CLIC5: variants seen among roughly 807,000 people sequenced by gnomAD.
The protein encoded by CLIC5 is CLIC family member 5.
In CLIC5, 20 loss-of-function variants were observed where a neutral mutation model predicts 24.7. That is an observed-to-expected ratio of 0.81 (90% CI 0.57 to 1.18). The LOEUF (loss-of-function observed/expected upper bound fraction) is 1.18. Ranked by LOEUF, CLIC5 falls within the 50% of genes most tolerant of loss-of-function variation. The pLI is 0.00. For missense variants in CLIC5, 341 were observed against 326.1 expected (o/e 1.05, Z -0.35); for synonymous variants, 159 against 135.6 (o/e 1.17, Z -1.20).
intron 1 of CLIC5, among the ~76,000 whole-genome samples, chr6:46,072,909 A>G (rs1419330770): frequency 3.3e-5 from 5 of 152,178 alleles, no homozygotes; most frequent in Non-Finnish European, 7.3e-5. Flanking sequence ...GGGTTCTAGA[A>G]TGTTCCTCAA....
chr6:46,062,484 C>G (rs866999088), intron 1 of CLIC5, among the ~76,000 whole-genome samples: 2 of 152,218 alleles, frequency 1.3e-5, no homozygotes, highest in Non-Finnish European at 2.9e-5. Flanking sequence ...TGGAGGCTGA[C>G]AGCCTCTGAC....
intron 4 of CLIC5, chr6:45,920,457 A>G (rs6941490): frequency 0.018 from 7,009 of 391,528 alleles, 463 homozygotes; most frequent in African/African-American, 0.14. Context: ...TCATGTTGAT[A>G]TAACCAAAGG....
At chr6:45,915,055 G>A (rs1001927250) in intron 4 of CLIC5, among the ~76,000 whole-genome samples, 7 of 151,334 alleles carry the variant, frequency 4.6e-5, no homozygotes, top group Admixed American at 2.0e-4. Flanking sequence ...TCAGCCTCTC[G>A]AGTAGCTGGG....
At chr6:46,018,410 A>G (rs1469530693), upstream of CLIC5, among the ~76,000 whole-genome samples, 1 of 152,188 alleles carries the variant, frequency 6.6e-6, no homozygotes, top group African/African-American at 2.4e-5. Flanking sequence ...ATCTCTTTCA[A>G]TAACATTTTA....
At chr6:46,001,093 GA>G (rs1291781820) in intron 1 of CLIC5, among the ~76,000 whole-genome samples, 4 of 152,168 alleles carry the variant, frequency 2.6e-5, no homozygotes, top group African/African-American at 7.2e-5. Context: ...CATACAGATG[GA>G]AAATGCTTTC....
chr6:46,028,306 C>A (rs1041608669), intron 1 of CLIC5, among the ~76,000 whole-genome samples: 4 of 152,168 alleles, frequency 2.6e-5, no homozygotes, highest in Non-Finnish European at 4.4e-5. Flanking sequence ...GCATGCCTGG[C>A]CATGTGAATG....
chr6:46,052,808 G>C lies in CLIC5; in HGVS notation c.540+26895C>G, dbSNP rs115631816. Among the ~76,000 whole-genome samples, 459 of 152,002 alleles carry C rather than the reference G, an allele frequency of 3.0e-3. 5 individuals carry two copies. The highest frequency in any genetic ancestry group is 9.8e-3 in the African/African-American group (408 of 41,442). On this transcript the variant is annotated intron_variant, in intron 1 of 5. Transcript: ENST00000185206. ...CCATTTGAGGGTGTGGGGAGAGCTT[G>C]TGCTTCCAGTCTCGGTGTGGAGGTG...
At chr6:46,114,657 T>G in the CLIC5 span, among the ~76,000 whole-genome samples, 1 of 152,230 alleles carries the variant, frequency 6.6e-6, no homozygotes, top group South Asian at 2.1e-4. Flanking sequence ...TCCTGCCTGC[T>G]TGCATCAATC....
chr6:45,989,926 C>T (rs1417299535), intron 1 of CLIC5, among the ~76,000 whole-genome samples: 1 of 152,126 alleles, frequency 6.6e-6, no homozygotes, highest in Admixed American at 6.5e-5. Context: ...GCACTCTCTC[C>T]AGCGACGTCT....
chr6:46,075,184 A>G (rs768020099), intron 1 of CLIC5, among the ~76,000 whole-genome samples: 10 of 152,196 alleles, frequency 6.6e-5, no homozygotes, highest in Admixed American at 1.3e-4. Context: ...CATTTTATCA[A>G]TGAGGAAATT....
At chr6:46,007,737 G>A (rs149611428) in intron 1 of CLIC5, among the ~76,000 whole-genome samples, 36 of 152,164 alleles carry the variant, frequency 2.4e-4, no homozygotes, top group African/African-American at 8.4e-4. Flanking sequence ...AGGTCAGACT[G>A]GATGACTTCT....
rs72871420 is a variant in CLIC5, at chr6:45,909,911, G to A, written c.588+4317C>T. 9.9e-3 allele frequency among the ~76,000 whole-genome samples: 1,506 copies of A among 152,244 alleles called. 11 individuals are homozygous for A. The highest frequency in any genetic ancestry group is 0.013 in the Non-Finnish European group (910 of 68,020). On this transcript the variant is annotated intron_variant, in intron 5 of 5. Transcript: ENST00000339561. Reference sequence around the variant, plus strand: ...AGAAGCCCCAGATCAGTCACTCTGGGCTTTTGTCTCCATTTTGGTGCTGGT... The same window carrying A: ...AGAAGCCCCAGATCAGTCACTCTGGACTTTTGTCTCCATTTTGGTGCTGGT...
At chr6:45,880,933 C>A (rs138015772), downstream of CLIC5, 1 of 389,082 alleles carries the variant, frequency 2.6e-6, no homozygotes, top group South Asian at 1.4e-4. Context: ...AAGAGCTAGA[C>A]ATGAACTGCT....
downstream of CLIC5, among the ~76,000 whole-genome samples, chr6:45,897,972 C>CAA (rs10948264): frequency 2.1e-4 from 30 of 143,618 alleles, no homozygotes; most frequent in African/African-American, 6.7e-4. Flanking sequence ...TTTAGTCTTG[C>CAA]AAAAAAAAAA....
At chr6:46,096,816 A>G in the CLIC5 span, among the ~76,000 whole-genome samples, 3 of 152,334 alleles carry the variant, frequency 2.0e-5, no homozygotes, top group East Asian at 5.8e-4. Context: ...ACCAGACTCA[A>G]GAGAGTACTT....
the CLIC5 span, among the ~76,000 whole-genome samples, chr6:46,093,813 C>A: frequency 6.6e-6 from 1 of 152,152 alleles, no homozygotes; most frequent in Admixed American, 6.5e-5. Flanking sequence ...CACATGTTCA[C>A]AAAAAGATTT....
At chr6:46,110,246 G>C in the CLIC5 span, among the ~76,000 whole-genome samples, 2 of 152,090 alleles carry the variant, frequency 1.3e-5, no homozygotes, top group African/African-American at 4.8e-5. Flanking sequence ...AATAAATAGC[G>C]TGGGCTCCCA....
intron 3 of CLIC5, among the ~76,000 whole-genome samples, chr6:45,945,335 T>C (rs1377012015): frequency 4.6e-5 from 7 of 152,336 alleles, no homozygotes; most frequent in Non-Finnish European, 8.8e-5. Context: ...AGAATATGCA[T>C]ACTCACTAAA....
rs80257894 is a variant in CLIC5, at chr6:45,910,523, T to C, written c.588+3705A>G. ...AGCTACAAGAGATTATGTGACTTAA[T>C]GTTACATGATAAATTAATTAATTTA... On this transcript the variant is annotated intron_variant, in intron 5 of 5. Coordinates refer to ENST00000339561, the MANE Select transcript of CLIC5 (RefSeq NM_016929.5). Among the ~76,000 whole-genome samples the C allele has an allele frequency of 1.5e-3, 231 of 152,368 alleles. 4 individuals are homozygous for C. The East Asian group carries it at 0.037, about 24-fold the overall frequency.
Sources: allele counts gnomAD v4.1 joint callset (sites outside exome capture counted in the v4.1 genomes callset), GRCh38; gene constraint gnomAD v4.1.1; transcripts MANE v1.5; gene names NCBI Gene and HGNC (gene_info 2026-07-23, HGNC 2026-07-21).